Variants in RNF31 observed in about 807,000 individuals in gnomAD.
The protein encoded by RNF31 is E3 ubiquitin-protein ligase RNF31.
Under a neutral mutation model 133.6 loss-of-function variants are expected in RNF31, and 38 were observed. That is an observed-to-expected ratio of 0.28 (90% confidence interval 0.22 to 0.37). The LOEUF is 0.37. RNF31 is among the 10% of genes least tolerant of loss of function. The pLI is 1.00. For missense variants in RNF31, 1,118 were observed against 1,394.1 expected, an observed-to-expected ratio of 0.80 and a Z score of 3.15; for synonymous variants, 582 against 552.3, an observed-to-expected ratio of 1.05 and a Z score of -0.75.
At chr14:24,156,081 C>A (rs1319918930) in intron 14 of RNF31, among the ~76,000 whole-genome samples, 1 of 152,078 alleles carries the variant, frequency 6.6e-6, no homozygotes, top group Non-Finnish European at 1.5e-5. Flanking sequence ...AGAAGCCAGC[C>A]ATGCAAAGAG....
rs747528382 is a variant in RNF31 at position 24,148,483 on chromosome 14, T to C, written c.495+70T>C. On this transcript the variant is annotated intron_variant, in intron 3 of 20. Coordinates refer to ENST00000324103, the MANE Select transcript of RNF31 (RefSeq NM_017999.5). ...GGGAGCCCAGCCTAACTCAAGTAAG[T>C]TTGAGGACCCCCGTGCTGCTGAACT... 3.7e-6 allele frequency: 6 copies of C among 1,611,354 alleles called. No homozygotes were observed. In the Admixed American group the frequency reaches 1.0e-4, roughly 27 times the overall value.
intron 5 of RNF31, 70 bp downstream of exon 5, chr14:24,148,946 C>T (rs1233219835): frequency 7.9e-7 from 1 of 1,268,870 alleles, no homozygotes; most frequent in African/African-American, 1.5e-5. Context: ...GCTCCTCTGT[C>T]TTCTTGGTTA....
In RNF31 at chr14:24,159,914, G is replaced by A. The variant is rs1462866969; in HGVS notation, c.2950G>A (p.Glu984Lys). The A allele has an allele frequency of 3.1e-6, 5 of 1,614,002 alleles. No homozygotes were observed. The highest frequency in any genetic ancestry group is 1.3e-5 in the African/African-American group (1 of 74,950). ...QKEVPNGLRDEACGKETPAGY... is the reference protein window; with the variant it reads ...QKEVPNGLRDKACGKETPAGY... ...GGAGGTTCCCAATGGGCTCAGGGAC[G>A]AAGCTTGTGGCAAGGAAACTCCAGC... The change falls in exon 19 of 21, where the codon GAA (glutamate) becomes AAA (lysine). Residue 984 changes from glutamate to lysine, a missense_variant. By Grantham distance (56) the Glu-to-Lys change is moderately conservative. This residue lies in a region of RNF31 where 170 missense variants were observed against 194.5 expected (regional missense o/e 0.87). Coordinates refer to ENST00000324103, the MANE Select transcript of RNF31 (RefSeq NM_017999.5).
intron 16 of RNF31, 80 bp from the exon 17 acceptor site, chr14:24,157,818 C>T: frequency 8.1e-7 from 1 of 1,234,104 alleles, no homozygotes; most frequent in East Asian, 2.3e-5. Flanking sequence ...CTCACCCTTA[C>T]ACCCCTCACG....
chr14:24,157,718 G>T (rs955427589), intron 16 of RNF31, 80 bp downstream of exon 16: 2 of 1,303,456 alleles, frequency 1.5e-6, no homozygotes, highest in Middle Eastern at 1.9e-4. Context: ...TTGAGGAGTG[G>T]CCCCGGGGAA....
rs2038253352 is a variant in RNF31, at chr14:24,150,760, A to G, written c.1360A>G (p.Lys454Glu). 6.2e-7 allele frequency: 1 copy of G among 1,606,810 alleles called. No individual in the cohort carries two copies. The highest frequency in any genetic ancestry group is 1.4e-5 in the African/African-American group (1 of 73,636). ...CCGGCCCTATGCCAGCTCTTTGGAAAAGGGACCCCCCAAGCCTGGGCCCCC... is the reference window on the plus strand; with the variant it reads ...CCGGCCCTATGCCAGCTCTTTGGAAGAGGGACCCCCCAAGCCTGGGCCCCC... ...APRPYASSLE[K>E]GPPKPGPPRR... Residue 454 changes from lysine (K) to glutamate (E), a missense_variant, in exon 8 of 21, where the codon AAG (lysine) becomes GAG (glutamate). Lys to Glu is a moderately conservative substitution (Grantham distance 56). Coordinates refer to ENST00000324103, the MANE Select transcript of RNF31 (RefSeq NM_017999.5).
rs758329161 is a variant in RNF31, at chr14:24,151,232, C to T, written c.1590C>T (p.Tyr530=). Reference sequence around the variant, plus strand: ...AGTGGTTGCGCTCAGAACTGCCCTACGTCCTGGAGATGGTGGCTGAGCTGG... The same window carrying T: ...AGTGGTTGCGCTCAGAACTGCCCTATGTCCTGGAGATGGTGGCTGAGCTGG... ...PLQWLRSELP[Y]VLEMVAELAG... Residue 530 remains tyrosine (Y), a synonymous_variant, in exon 9 of 21, where the codon TAC becomes TAT. Transcript: ENST00000324103. This position sits in a 1 kb window ranked among gnomAD's most constrained non-coding sequence, Gnocchi z 5.3. The T allele has an allele frequency of 5.9e-5, 95 of 1,614,094 alleles. No individual in the cohort carries two copies. The East Asian group carries it at 1.5e-3, about 26-fold the overall frequency.
In RNF31 at chr14:24,151,914, C is replaced by A; in HGVS notation, c.2052C>A (p.His684Gln). 2 of 1,614,218 alleles carry A rather than the reference C, an allele frequency of 1.2e-6. No individual in the cohort carries two copies. The highest frequency in any genetic ancestry group is 3.3e-5 in the Admixed American group (2 of 60,032). Residue 684 changes from histidine to glutamine, a missense_variant, in exon 11 of 21, where the codon CAC becomes CAA. Physicochemically the swap from His to Gln is conservative, Grantham distance 24. Around this residue, in one of 3 missense-constraint regions of RNF31, gnomAD observed 201 missense variants for 371.7 expected, o/e 0.54. Transcript: ENST00000324103. This position sits in a 1 kb window ranked among gnomAD's most constrained non-coding sequence, Gnocchi z 5.3. ...ELGDVVEAVRHSQDRAFLRRL... is the reference protein window; with the variant it reads ...ELGDVVEAVRQSQDRAFLRRL... ...GGGATGTGGTAGAAGCTGTGAGGCA[C>A]AGCCAGGACCGGGCCTTCCTGCGCC...
rs1279841444 is a variant in RNF31, at chr14:24,150,783, C to A, written c.1383C>A (p.Pro461=). Reference sequence around the variant, plus strand: ...AAAAGGGACCCCCCAAGCCTGGGCCCCCACGACGCCTTAGTGCCCCCCTGC... The same window carrying A: ...AAAAGGGACCCCCCAAGCCTGGGCCACCACGACGCCTTAGTGCCCCCCTGC... ...SLEKGPPKPG[P]PRRLSAPLPS... is the part of the protein sequence containing the mutation. The change falls in exon 8 of 21, where the codon CCC becomes CCA. Residue 461 remains proline, a synonymous_variant. Transcript: ENST00000324103. 1 of 1,611,020 alleles carries A rather than the reference C, an allele frequency of 6.2e-7. No homozygotes were observed. Among genetic ancestry groups the A allele is most frequent in the Non-Finnish European group, 8.5e-7 (1 of 1,177,932 alleles).
At chr14:24,152,422 T>TTAC (rs2038280543) in intron 11 of RNF31, among the ~76,000 whole-genome samples, 1 of 151,706 alleles carries the variant, frequency 6.6e-6, no homozygotes, top group South Asian at 2.1e-4. Context: ...TATTTATTTA[T>TTAC]TTACTTATTT....
chr14:24,159,352 CAAA>C (rs777764741), intron 18 of RNF31, among the ~76,000 whole-genome samples: 2 of 54,332 alleles, frequency 3.7e-5, no homozygotes, highest in African/African-American at 6.2e-5. Flanking sequence ...AACTCCATCT[CAAA>C]AAAAAAAAAA....
Position 24,159,362 on chromosome 14 carries a change from A to AAC in RNF31, c.2900-501_2900-500insCA, listed in dbSNP as rs1201107993. Among the ~76,000 whole-genome samples the AAC allele has an allele frequency of 4.6e-5, 7 of 150,636 alleles. 1 individual carries two copies. The highest frequency in any genetic ancestry group is 1.7e-4 in the African/African-American group (7 of 40,882). Reference sequence around the variant, plus strand: ...AGTGAAACTCCATCTCAAAAAAAAAAAAAAAAAAAACCAGAGGTAGCCAAT... The same window carrying AAC: ...AGTGAAACTCCATCTCAAAAAAAAAAACAAAAAAAAAACCAGAGGTAGCCAAT... On this transcript the variant is annotated intron_variant, in intron 18 of 20. Transcript: ENST00000324103.
chr14:24,148,210 A>G (rs762381423), intron 2 of RNF31, 48 bp from the exon 3 acceptor site: 4 of 1,613,438 alleles, frequency 2.5e-6, no homozygotes, highest in Non-Finnish European at 3.4e-6. Flanking sequence ...GTCCAGCCCT[A>G]CTAGGCAGGA....
intron 5 of RNF31, 25 bp from the exon 6 acceptor site, chr14:24,149,374 TGGAAAGA>T (rs1333730901): frequency 1.3e-6 from 2 of 1,596,870 alleles, no homozygotes; most frequent in Admixed American, 1.7e-5. Context: ...TGGTCTTTTT[TGGAAAGA>T]TGTTCCATCT....
chr14:24,153,747 T>C (rs561223644), intron 11 of RNF31, among the ~76,000 whole-genome samples: 1 of 151,178 alleles, frequency 6.6e-6, no homozygotes, highest in African/African-American at 2.4e-5. Context: ...CTACAAAAAA[T>C]ACAAAAATTA....
intron 4 of RNF31, 22 bp downstream of exon 4, chr14:24,148,723 C>G: frequency 1.2e-6 from 2 of 1,613,862 alleles, no homozygotes; most frequent in Non-Finnish European, 1.7e-6. Context: ...AGGAAAGGGG[C>G]TGGTGTACAA....
intron 18 of RNF31, among the ~76,000 whole-genome samples, chr14:24,159,584 C>CAAAAAAAA (rs59295225): frequency 6.1e-5 from 5 of 82,204 alleles, no homozygotes; most frequent in Admixed American, 1.3e-4. Flanking sequence ...AAATAACAAC[C>CAAAAAAAA]AAAAAAAAAA....
Position 24,151,282 on chromosome 14 carries a change from G to T in RNF31, c.1640G>T (p.Gly547Val), listed in dbSNP as rs749789170. The change falls in exon 9 of 21, where the codon GGT becomes GTT. Residue 547 changes from glycine (G) to valine (V), a missense_variant. Around this residue, in one of 3 missense-constraint regions of RNF31, gnomAD observed 747 missense variants for 827.9 expected, o/e 0.90. Transcript: ENST00000324103. This position sits in a 1 kb window ranked among gnomAD's most constrained non-coding sequence, Gnocchi z 5.3. ...GCTGGACAGCAGGACCCTGGGCTGG[G>T]TGCCTTTTCCTGTCAGGAGGCCCGG... ...ELAGQQDPGL[G>V]AFSCQEARRA... 9.9e-6 allele frequency: 16 copies of T among 1,614,222 alleles called. No individual in the cohort carries two copies. The highest frequency in any genetic ancestry group is 1.2e-5 in the Non-Finnish European group (14 of 1,180,038).
At chr14:24,150,576 A>G (rs758121288) in intron 7 of RNF31, 22 bp from the exon 8 acceptor site, 4 of 1,599,904 alleles carry the variant, frequency 2.5e-6, no homozygotes, top group Admixed American at 1.7e-5. Flanking sequence ...AGTCAAAGGG[A>G]TAATTCTCTC....
Sources: allele counts gnomAD v4.1 joint callset (sites outside exome capture counted in the v4.1 genomes callset), GRCh38; gene constraint gnomAD v4.1.1; regional missense constraint gnomAD v4.1.1; non-coding constraint Gnocchi (gnomAD v3.1); transcripts MANE v1.5; gene names NCBI Gene and HGNC (gene_info 2026-07-23, HGNC 2026-07-21).